The following DYM variants were observed in gnomAD, a reference collection of about 807,000 sequenced individuals.
DYM encodes dyggve-Melchior-Clausen syndrome protein.
In DYM, 78 loss-of-function variants were observed where a neutral mutation model predicts 93.1. That is an observed-to-expected ratio of 0.84 (90% CI 0.70 to 1.01). DYM has a LOEUF of 1.01. DYM is among the 50% of genes least tolerant of loss of function. DYM has a pLI of 0.00. For missense variants in DYM, 789 were observed against 845.0 expected (o/e 0.93, Z 0.82); for synonymous variants, 321 against 319.7 (o/e 1.00, Z -0.04).
intron 8 of DYM, among the ~76,000 whole-genome samples, chr18:49,293,317 T>C (rs1486559044): frequency 1.3e-5 from 2 of 152,230 alleles, no homozygotes; most frequent in Non-Finnish European, 2.9e-5. Flanking sequence ...TAGAATAATT[T>C]ATAATCCTTT....
chr18:49,450,220 G>C (rs1362453136), intron 1 of DYM, among the ~76,000 whole-genome samples: 1 of 152,142 alleles, frequency 6.6e-6, no homozygotes, highest in Admixed American at 6.6e-5. Context: ...AGAAAAACAC[G>C]GCAAGGCTGT....
At chr18:49,369,332 G>T (rs929254267) in intron 5 of DYM, among the ~76,000 whole-genome samples, 3 of 152,168 alleles carry the variant, frequency 2.0e-5, no homozygotes, top group African/African-American at 7.2e-5. Context: ...ATGGATAACA[G>T]ATCTCTAGTA....
intron 17 of DYM, among the ~76,000 whole-genome samples, chr18:49,050,403 T>A (rs1245241182): frequency 1.3e-5 from 2 of 152,156 alleles, no homozygotes; most frequent in Admixed American, 6.5e-5. Flanking sequence ...GAGGGGTAAC[T>A]TCTACAGTGT....
chr18:49,065,489 A>C (rs2076321980), intron 17 of DYM, among the ~76,000 whole-genome samples: 1 of 152,054 alleles, frequency 6.6e-6, no homozygotes, highest in Non-Finnish European at 1.5e-5. Flanking sequence ...CACCCTCCCG[A>C]GTAGCTGGGA....
At chr18:49,142,506 G>C (rs537707727) in intron 15 of DYM, among the ~76,000 whole-genome samples, 5 of 152,268 alleles carry the variant, frequency 3.3e-5, no homozygotes, top group Admixed American at 3.3e-4. Context: ...AAAAGAGGAT[G>C]CATGTTATTA....
At chr18:49,214,021 A>C (rs2092917019) in intron 13 of DYM, among the ~76,000 whole-genome samples, 1 of 152,150 alleles carries the variant, frequency 6.6e-6, no homozygotes, top group Non-Finnish European at 1.5e-5. Flanking sequence ...GTAGTTCCTA[A>C]ATTTTTTTAG....
chr18:49,316,075 A>G (rs1032197333), intron 8 of DYM, among the ~76,000 whole-genome samples: 1 of 152,186 alleles, frequency 6.6e-6, no homozygotes, highest in Non-Finnish European at 1.5e-5. Flanking sequence ...TGAGGTCAGG[A>G]GTTCAAGACC....
At chr18:49,294,226 G>C (rs1475040376) in intron 8 of DYM, among the ~76,000 whole-genome samples, 1 of 152,150 alleles carries the variant, frequency 6.6e-6, no homozygotes, top group African/African-American at 2.4e-5. Flanking sequence ...TAGTCTTATA[G>C]TATAGTTTGA....
chr18:49,183,399 A>G (rs965078399), intron 14 of DYM, among the ~76,000 whole-genome samples: 5 of 151,766 alleles, frequency 3.3e-5, no homozygotes, highest in Admixed American at 2.0e-4. Context: ...TGTGCCCATC[A>G]CTCTTTACTT....
rs553362928 is a variant in DYM, at chr18:49,158,258, G to C, written c.1728+5427C>G. The stretch of plus-strand genomic sequence containing the variant: ...TATAAAATTGGTTATATGTTGAATT[G>C]TATTTTAGTTGTGTATCTGTTTTAA... On this transcript the variant is annotated intron_variant, in intron 15 of 17. Coordinates refer to ENST00000675505, the MANE Select transcript of DYM (RefSeq NM_001353214.3). Among the ~76,000 whole-genome samples, 116 of 152,280 alleles carry C rather than the reference G, an allele frequency of 7.6e-4. 2 individuals are homozygous for C. The highest frequency in any genetic ancestry group is 2.7e-3 in the African/African-American group (113 of 41,568).
At chr18:49,417,518 C>T (rs944270513) in intron 2 of DYM, among the ~76,000 whole-genome samples, 20 of 151,832 alleles carry the variant, frequency 1.3e-4, no homozygotes, top group Admixed American at 9.2e-4. Flanking sequence ...AATGGTAAAA[C>T]CCAAATGGTA....
intron 17 of DYM, among the ~76,000 whole-genome samples, chr18:49,092,781 G>A (rs1314286296): frequency 6.6e-6 from 1 of 152,174 alleles, no homozygotes; most frequent in Non-Finnish European, 1.5e-5. Context: ...GGAGAAGGGT[G>A]GTAGAAGGAG....
chr18:49,330,493 A>G (rs961318943), intron 8 of DYM, among the ~76,000 whole-genome samples: 12 of 152,146 alleles, frequency 7.9e-5, no homozygotes, highest in Admixed American at 1.3e-4. Context: ...ACCACATGCA[A>G]TACTGGGTTC....
intron 13 of DYM, among the ~76,000 whole-genome samples, chr18:49,228,583 A>G (rs987047687): frequency 6.6e-6 from 1 of 152,194 alleles, no homozygotes; most frequent in Non-Finnish European, 1.5e-5. Context: ...ACAGTTGGCC[A>G]AACTGAAATA....
At chr18:49,176,904 C>T (rs2089444123) in intron 14 of DYM, among the ~76,000 whole-genome samples, 1 of 151,972 alleles carries the variant, frequency 6.6e-6, no homozygotes, top group Non-Finnish European at 1.5e-5. Flanking sequence ...AATTAGTATG[C>T]AATTCTAAAG....
intron 14 of DYM, among the ~76,000 whole-genome samples, chr18:49,173,652 CAATAA>C (rs2089029435): frequency 6.6e-6 from 1 of 152,060 alleles, no homozygotes; most frequent in African/African-American, 2.4e-5. Context: ...GTAAATTCAA[CAATAA>C]AATTATTATA....
At chr18:49,146,315 A>G (rs1015349624) in intron 15 of DYM, among the ~76,000 whole-genome samples, 1 of 152,212 alleles carries the variant, frequency 6.6e-6, no homozygotes, top group African/African-American at 2.4e-5. Flanking sequence ...CACCACTCCT[A>G]TTCAACACAG....
intron 8 of DYM, among the ~76,000 whole-genome samples, chr18:49,309,570 G>A (rs1487002349): frequency 6.6e-6 from 1 of 152,190 alleles, no homozygotes; most frequent in Non-Finnish European, 1.5e-5. Context: ...AGGAAGCTGA[G>A]GCTGCAGTGA....
chr18:49,323,311 G>A (rs951162986), intron 8 of DYM, among the ~76,000 whole-genome samples: 3 of 152,170 alleles, frequency 2.0e-5, no homozygotes, highest in African/African-American at 7.2e-5. Context: ...ATAATGACTA[G>A]AGCTGAAAGG....
Sources: gnomAD v4.1 joint callset for allele counts (sites outside exome capture counted in the v4.1 genomes callset) on GRCh38, gnomAD v4.1.1 for gene constraint, MANE v1.5 for transcripts, NCBI Gene and HGNC (gene_info 2026-07-23, HGNC 2026-07-21) for gene names.